Variants in ANGPT2 observed in about 807,000 individuals in gnomAD.
ANGPT2 encodes the protein angiopoietin-2.
Under a neutral mutation model 62.9 loss-of-function variants are expected in ANGPT2, and 28 were observed. The observed-to-expected ratio is 0.44, with a 90% CI of 0.33 to 0.61. The LOEUF (loss-of-function observed/expected upper bound fraction) is 0.61, where lower values mean the gene tolerates loss of function less well. Among genes scored for constraint, ANGPT2 ranks in the 20% least tolerant of loss-of-function variants. ANGPT2 has a pLI of 0.03. For missense variants in ANGPT2, 727 were observed against 594.9 expected (o/e 1.22, Z -2.31); for synonymous variants, 284 against 207.8 (o/e 1.37, Z -3.15).
intron 8 of ANGPT2, chr8:6,508,662 C>A (rs910698770): frequency 3.7e-5 from 22 of 588,128 alleles, no homozygotes; most frequent in Non-Finnish European, 6.3e-5. Flanking sequence ...GGAGAGCTTG[C>A]TAAGAATCAA....
At chr8:6,538,568 C>G (rs112171365) in intron 1 of ANGPT2, among the ~76,000 whole-genome samples, 1 of 152,204 alleles carries the variant, frequency 6.6e-6, no homozygotes, top group African/African-American at 2.4e-5. Context: ...GCTGTCCCAG[C>G]TGCCCAGCGG....
rs749678802 is a variant in ANGPT2, at chr8:6,562,980, A to C, written c.-46T>G. On this transcript the variant is annotated 5_prime_UTR_variant, in exon 1 of 9. Coordinates refer to ENST00000629816, the MANE Select transcript of ANGPT2 (RefSeq NM_001118887.2). ...AGCAGCTTAGCAAACTTGAGGGCAA[A>C]CACACGTCCAGAGTCCCGAGCTGCT... 4.5e-6 allele frequency: 7 copies of C among 1,543,098 alleles called. No homozygotes were observed. The South Asian group carries it at 7.5e-5, about 16-fold the overall frequency.
At chr8:6,559,219 CCACACACGACAACACACA>C (rs1469111715) in intron 1 of ANGPT2, among the ~76,000 whole-genome samples, 1 of 95,758 alleles carries the variant, frequency 1.0e-5, no homozygotes, top group African/African-American at 3.9e-5. Context: ...TGTTTTGTAG[CCACACACGACAACACACA>C]CACACACACA....
At chr8:6,558,864 T>C (rs1825067922) in intron 1 of ANGPT2, among the ~76,000 whole-genome samples, 1 of 152,190 alleles carries the variant, frequency 6.6e-6, no homozygotes, top group South Asian at 2.1e-4. Flanking sequence ...TTATATTTTA[T>C]ATACTGTATA....
At chr8:6,504,199 T>TCC (rs1344647295) in intron 8 of ANGPT2, among the ~76,000 whole-genome samples, 2 of 149,882 alleles carry the variant, frequency 1.3e-5, no homozygotes, top group Admixed American at 6.8e-5. Context: ...ACGCCTGTAG[T>TCC]CCCAGCTACT....
Position 6,513,827 on chromosome 8 carries a change from T to C in ANGPT2, c.1047A>G (p.Ser349=). The C allele has an allele frequency of 6.2e-7, 1 of 1,608,380 alleles. No homozygotes were observed. Among genetic ancestry groups the C allele is most frequent in the Non-Finnish European group, 8.5e-7 (1 of 1,178,550 alleles). The change falls in exon 7 of 9, where the codon TCA becomes TCG. Residue 349 remains serine (S), a synonymous_variant. Transcript: ENST00000629816. ...ACTCATTTCCCAGCCAATATTCTCC[T>C]GAAGGGTTACCAAATCCCTGTAATG... ...KEYKVGFGNP[S]GEYWLGNEFV...
intron 3 of ANGPT2, among the ~76,000 whole-genome samples, chr8:6,522,360 AAAAG>A (rs995667768): frequency 1.3e-5 from 2 of 149,802 alleles, no homozygotes; most frequent in Admixed American, 6.6e-5. Context: ...GTCTCAAAAA[AAAAG>A]AAAAAAAAAT....
chr8:6,523,064 C>A (rs1392445563), intron 3 of ANGPT2, among the ~76,000 whole-genome samples: 1 of 151,786 alleles, frequency 6.6e-6, no homozygotes, highest in East Asian at 2.0e-4. Context: ...AGGGTGCCAT[C>A]TTGGCTCACT....
In ANGPT2 at chr8:6,513,764, A is replaced by G. The variant is rs1251543460; in HGVS notation, c.1110T>C (p.Leu370=). ...CTTCCCAGTCTTTAAGGTGTATTTT[A>G]AGCACATAGCGTTGCTGATTAGTCA... The part of the protein sequence containing the change: ...SQLTNQQRYV[L]KIHLKDWEGN... Residue 370 remains leucine (L), a synonymous_variant, in exon 7 of 9, where the codon CTT becomes CTC. Coordinates refer to ENST00000629816, the MANE Select transcript of ANGPT2 (RefSeq NM_001118887.2). 4 of 1,613,936 alleles carry G rather than the reference A, an allele frequency of 2.5e-6. No individual in the cohort carries two copies. Among genetic ancestry groups the G allele is most frequent in the Non-Finnish European group, 3.4e-6 (4 of 1,179,948 alleles).
At chr8:6,512,108 G>A (rs1408536675) in intron 7 of ANGPT2, among the ~76,000 whole-genome samples, 1 of 151,994 alleles carries the variant, frequency 6.6e-6, no homozygotes, top group Non-Finnish European at 1.5e-5. Flanking sequence ...AGGAGAGCCT[G>A]ATCTTTCCAT....
chr8:6,559,109 C>T (rs56849832), intron 1 of ANGPT2, among the ~76,000 whole-genome samples: 4,322 of 152,164 alleles, frequency 0.028, 225 homozygotes, highest in African/African-American at 0.1. Context: ...AGGAGGACCA[C>T]GGGAGACCAG....
intron 1 of ANGPT2, among the ~76,000 whole-genome samples, chr8:6,536,935 G>A (rs1244296558): frequency 1.5e-5 from 2 of 132,092 alleles, no homozygotes; most frequent in African/African-American, 5.7e-5. Flanking sequence ...CCAGAAATAT[G>A]AAATTCCATT....
intron 1 of ANGPT2, among the ~76,000 whole-genome samples, chr8:6,556,105 A>G (rs1417559779): frequency 6.6e-6 from 1 of 152,092 alleles, no homozygotes; most frequent in Non-Finnish European, 1.5e-5. Flanking sequence ...TGCCAAGACT[A>G]ACCAAGGGTG....
chr8:6,526,861 G>A (rs1437860356), intron 3 of ANGPT2, among the ~76,000 whole-genome samples: 4 of 152,104 alleles, frequency 2.6e-5, no homozygotes, highest in Non-Finnish European at 5.9e-5. Flanking sequence ...TATGAAAACA[G>A]TCCCCACCTA....
intron 1 of ANGPT2, among the ~76,000 whole-genome samples, chr8:6,542,932 A>G (rs948293757): frequency 1.3e-5 from 2 of 152,198 alleles, no homozygotes; most frequent in African/African-American, 4.8e-5. Flanking sequence ...TTTTCCAGGC[A>G]AACTAGTTTT....
At chr8:6,528,614 G>A (rs942218731) in intron 2 of ANGPT2, among the ~76,000 whole-genome samples, 7 of 152,244 alleles carry the variant, frequency 4.6e-5, no homozygotes, top group African/African-American at 7.2e-5. Context: ...GAGCTACTGC[G>A]TGGCATGAGC....
At chr8:6,506,013 GTATA>G (rs367554962) in intron 8 of ANGPT2, among the ~76,000 whole-genome samples, 1 of 134,650 alleles carries the variant, frequency 7.4e-6, no homozygotes, top group Non-Finnish European at 1.6e-5. Flanking sequence ...CTTTATATAT[GTATA>G]TATATAAAAA....
chr8:6,521,103 G>A (rs753962756), intron 4 of ANGPT2, 75 bp downstream of exon 4: 1 of 1,212,094 alleles, frequency 8.3e-7, no homozygotes, highest in Admixed American at 2.2e-5. Flanking sequence ...TGAAAGGTGA[G>A]AATTTTTTAG....
chr8:6,511,432 A>G (rs1052226760), intron 7 of ANGPT2, among the ~76,000 whole-genome samples: 2 of 152,176 alleles, frequency 1.3e-5, no homozygotes, highest in Non-Finnish European at 2.9e-5. Flanking sequence ...AATTTTTAAG[A>G]TTTAATGTAC....
Sources: allele counts gnomAD v4.1 joint callset (sites outside exome capture counted in the v4.1 genomes callset), GRCh38; gene constraint gnomAD v4.1.1; transcripts MANE v1.5; gene names NCBI Gene and HGNC (gene_info 2026-07-23, HGNC 2026-07-21).